The following POLR3F variants were observed in gnomAD, a reference collection of about 807,000 sequenced individuals.
The protein encoded by POLR3F is DNA-directed RNA polymerase III subunit RPC6.
In POLR3F, 31 loss-of-function variants were observed where a neutral mutation model predicts 43.6. That is an observed-to-expected ratio of 0.71 (90% CI 0.53 to 0.96). The LOEUF (loss-of-function observed/expected upper bound fraction) is 0.96. Among genes scored for constraint, POLR3F ranks in the 40% least tolerant of loss-of-function variants. POLR3F has a pLI of 0.00. For missense variants in POLR3F, 316 were observed against 391.7 expected, an observed-to-expected ratio of 0.81 and a Z score of 1.63; for synonymous variants, 114 against 132.5, an observed-to-expected ratio of 0.86 and a Z score of 0.96.
Position 18,484,187 on chromosome 20 carries a change from A to G in POLR3F, c.*629A>G. 2.5e-6 allele frequency: 1 copy of G among 398,590 alleles called. No homozygotes were observed. The highest frequency in any genetic ancestry group is 4.4e-5 in the Admixed American group (1 of 22,742). 24.7% of individuals were successfully genotyped at this position (398,590 alleles called of 1,614,324 possible). On this transcript the variant is annotated 3_prime_UTR_variant, in exon 9 of 9. Transcript: ENST00000377603. Reference sequence around the variant, plus strand: ...TACTTCAAACCCAATGACTACTGTCAAGGACATATTTTCAGTACATAAATA... The same window carrying G: ...TACTTCAAACCCAATGACTACTGTCGAGGACATATTTTCAGTACATAAATA...
chr20:18,471,934 A>C (rs2059754725), intron 2 of POLR3F, among the ~76,000 whole-genome samples: 1 of 152,224 alleles, frequency 6.6e-6, no homozygotes, highest in Non-Finnish European at 1.5e-5. Flanking sequence ...GTGAGCCGAG[A>C]TTGTGCCACG....
In POLR3F at chr20:18,475,109, T is replaced by A. The variant is rs1238969656; in HGVS notation, c.351T>A (p.Asn117Lys). ...IWSRDIRYKS[N>K]LPLTEINKIL... ...GCAGAGATATCCGCTATAAAAGTAA[T>A]TTGCCATTAACAGAAATCAACAAAA... Residue 117 changes from asparagine (N) to lysine (K), a missense_variant, in exon 5 of 9, where the codon AAT becomes AAA. By Grantham distance (94) the Asn-to-Lys change is moderately conservative. Transcript: ENST00000377603. 4 of 1,517,724 alleles carry A rather than the reference T, an allele frequency of 2.6e-6. No individual in the cohort carries two copies. The African/African-American group carries it at 5.5e-5, about 21-fold the overall frequency. 94.0% of individuals were successfully genotyped at this position (1,517,724 alleles called of 1,614,324 possible).
chr20:18,473,741 G>GC (rs1555782958), intron 4 of POLR3F, among the ~76,000 whole-genome samples: 1 of 150,384 alleles, frequency 6.6e-6, no homozygotes, highest in East Asian at 1.9e-4. Context: ...TAAAATTTAA[G>GC]TTTTTTTTTT....
chr20:18,467,466 T>C lies in POLR3F; in HGVS notation c.-41T>C. The C allele has an allele frequency of 6.2e-7, 1 of 1,612,196 alleles. No individual in the cohort carries two copies. Among genetic ancestry groups the C allele is most frequent in the Non-Finnish European group, 8.5e-7 (1 of 1,178,174 alleles). On this transcript the variant is annotated 5_prime_UTR_variant, in exon 1 of 9. Coordinates refer to ENST00000377603, the MANE Select transcript of POLR3F (RefSeq NM_006466.4). ...GTTCCCCGGCTTGCTACCGGGCTGC[T>C]CCGTGCATCTTTCCCCCCAGGCGTC... is the stretch of plus-strand genomic sequence containing the variant.
Position 18,469,023 on chromosome 20 carries a change from C to T in POLR3F, c.142C>T (p.Gln48Ter), listed in dbSNP as rs990288298. ...IQNEMPHIEA[Q>*]QRAVAINRLL... ...GAATGAAATGCCTCATATAGAAGCC[C>T]AGCAGCGGGCAGTAGCCATCAATAG... is the stretch of plus-strand genomic sequence containing the variant. The change falls in exon 2 of 9, where the codon CAG becomes TAG. Residue 48 changes from glutamine to a stop codon, truncating the protein, a stop_gained. Transcript: ENST00000377603. LOFTEE classifies it high-confidence loss of function. 4 of 1,586,318 alleles carry T rather than the reference C, an allele frequency of 2.5e-6. No homozygotes were observed. Among genetic ancestry groups the T allele is most frequent in the Non-Finnish European group, 3.5e-6 (4 of 1,154,680 alleles).
chr20:18,467,718 C>T, intron 1 of POLR3F, 150 bp downstream of exon 1: 2 of 1,460,760 alleles, frequency 1.4e-6, no homozygotes, highest in Non-Finnish European at 1.8e-6. Flanking sequence ...CCCACTTGTT[C>T]CTTCCCATCC....
chr20:18,480,220 T>C lies in POLR3F; in HGVS notation c.573+39T>C, dbSNP rs1385095406. ...GAGGAAACATCACTGCAAACCCTCT[T>C]GTAAAAAGTTTTTCACAAAGGATTT... On this transcript the variant is annotated intron_variant, in intron 6 of 8. Transcript: ENST00000377603. 2.6e-6 allele frequency: 4 copies of C among 1,554,092 alleles called. No homozygotes were observed. The African/African-American group carries it at 4.3e-5, about 17-fold the overall frequency.
chr20:18,484,373 T>C lies in POLR3F; in HGVS notation c.*815T>C, dbSNP rs2148869975. On this transcript the variant is annotated 3_prime_UTR_variant, in exon 9 of 9. Transcript: ENST00000377603. Reference sequence around the variant, plus strand: ...TTTGTGTGCCCCCAGAATTCTAATGTTGAAATCTCATTTCCAATGTGATGG... The same window carrying C: ...TTTGTGTGCCCCCAGAATTCTAATGCTGAAATCTCATTTCCAATGTGATGG... 2 of 371,084 alleles carry C rather than the reference T, an allele frequency of 5.4e-6. No individual in the cohort carries two copies. Among genetic ancestry groups the C allele is most frequent in the East Asian group, 7.6e-5 (2 of 26,336 alleles). The allele number at this position is 371,084 out of a possible 1,614,324, so 23.0% of individuals were successfully genotyped here.
At chr20:18,473,741 G>GT (rs953558199) in intron 4 of POLR3F, among the ~76,000 whole-genome samples, 216 of 150,344 alleles carry the variant, frequency 1.4e-3, no homozygotes, top group African/African-American at 4.8e-3. Flanking sequence ...TAAAATTTAA[G>GT]TTTTTTTTTT....
intron 5 of POLR3F, among the ~76,000 whole-genome samples, chr20:18,477,562 C>A (rs2059786951): frequency 1.3e-5 from 2 of 152,128 alleles, no homozygotes; most frequent in Admixed American, 1.3e-4. Context: ...CCAAGGTATC[C>A]TTCAATAGGT....
chr20:18,483,144 A>C (rs1177803255), intron 8 of POLR3F, among the ~76,000 whole-genome samples: 1 of 151,298 alleles, frequency 6.6e-6, no homozygotes, highest in Admixed American at 6.6e-5. Flanking sequence ...GGCTCACTAC[A>C]ACCTCTGCCT....
In POLR3F at chr20:18,469,081, T is replaced by A. The variant is rs2059732094; in HGVS notation, c.180+20T>A. ...TCTATGGTAAGGTGAATCTAACTAT[T>A]TTGCATAATTACTGATATGCTGATT... On this transcript the variant is annotated intron_variant, in intron 2 of 8. Coordinates refer to ENST00000377603, the MANE Select transcript of POLR3F (RefSeq NM_006466.4). The A allele has an allele frequency of 9.5e-7, 1 of 1,053,100 alleles. No individual in the cohort carries two copies. Among genetic ancestry groups the A allele is most frequent in the African/African-American group, 1.6e-5 (1 of 64,190 alleles). The allele number at this position is 1,053,100 out of a possible 1,614,324, so 65.2% of individuals were successfully genotyped here.
chr20:18,476,994 A>T (rs1330223101), intron 5 of POLR3F, among the ~76,000 whole-genome samples: 1 of 151,976 alleles, frequency 6.6e-6, no homozygotes, highest in Admixed American at 6.6e-5. Flanking sequence ...GAATTGCTTG[A>T]ACCCAGGAGG....
chr20:18,480,381 CTTA>C lies in POLR3F; in HGVS notation c.574-19_574-17del. On this transcript the variant is annotated intron_variant, in intron 6 of 8. Coordinates refer to ENST00000377603, the MANE Select transcript of POLR3F (RefSeq NM_006466.4). ...CACACCAATATTCTTATTTACATTT[CTTA>C]TGTTTCAATCCTTATAGGCAGAAAC... 6.6e-7 allele frequency: 1 copy of C among 1,506,672 alleles called. No individual in the cohort carries two copies. Among genetic ancestry groups the C allele is most frequent in the East Asian group, 2.3e-5 (1 of 44,218 alleles). 93.3% of individuals were successfully genotyped at this position (1,506,672 alleles called of 1,614,324 possible). A position where few individuals can be genotyped will look rare whatever the true frequency, so the allele number is the denominator to read the frequency against.
In POLR3F at chr20:18,469,034, A is replaced by G. The variant is rs1455077171; in HGVS notation, c.153A>G (p.Ala51=). 1 of 1,566,096 alleles carries G rather than the reference A, an allele frequency of 6.4e-7. No homozygotes were observed. Among genetic ancestry groups the G allele is most frequent in the Non-Finnish European group, 8.8e-7 (1 of 1,136,086 alleles). ...CTCATATAGAAGCCCAGCAGCGGGC[A>G]GTAGCCATCAATAGGTTGTTGTCTA... The part of the protein sequence containing the change: ...EMPHIEAQQR[A]VAINRLLSMG... Residue 51 remains alanine (A), a synonymous_variant, in exon 2 of 9, where the codon GCA becomes GCG. Transcript: ENST00000377603.
At chr20:18,473,117 T>C in intron 3 of POLR3F, 2 of 339,626 alleles carry the variant, frequency 5.9e-6, no homozygotes, top group Non-Finnish European at 1.1e-5. Flanking sequence ...TAGATGATTA[T>C]ATATTTATAT....
intron 5 of POLR3F, 43 bp from the exon 6 acceptor site, chr20:18,479,995 T>C: frequency 6.7e-7 from 1 of 1,497,466 alleles, no homozygotes; most frequent in Non-Finnish European, 9.0e-7. Flanking sequence ...TTTTTGGAAA[T>C]TGTTATCTTA....
chr20:18,481,983 C>CCT (rs2059812787), intron 8 of POLR3F, among the ~76,000 whole-genome samples, 173 bp downstream of exon 8: 1 of 74,328 alleles, frequency 1.3e-5, no homozygotes, highest in East Asian at 3.8e-4. Flanking sequence ...CATTCCTTTA[C>CCT]TTTTTTTTTT....
At position 18,468,964 on chromosome 20, in the gene POLR3F, A is replaced by G. The variant is rs765387639; in HGVS notation, c.83A>G (p.Gln28Arg). Reference protein sequence around the residue: ...IENRIIELCHQFPHGITDQVI... With the variant: ...IENRIIELCHRFPHGITDQVI... ...TCTAGGATTATAGAATTATGTCACC[A>G]GTTCCCTCATGGAATCACAGACCAA... The change falls in exon 2 of 9, where the codon CAG (glutamine) becomes CGG (arginine). Residue 28 changes from glutamine (Q) to arginine (R), a missense_variant. Gln to Arg is a conservative substitution (Grantham distance 43, BLOSUM62 1). Coordinates refer to ENST00000377603, the MANE Select transcript of POLR3F (RefSeq NM_006466.4). 5 of 1,538,528 alleles carry G rather than the reference A, an allele frequency of 3.2e-6. No individual in the cohort carries two copies. The highest frequency in any genetic ancestry group is 4.5e-6 in the Non-Finnish European group (5 of 1,110,960).
Sources: allele counts gnomAD v4.1 joint callset (sites outside exome capture counted in the v4.1 genomes callset), GRCh38; gene constraint gnomAD v4.1.1; transcripts MANE v1.5; gene names NCBI Gene and HGNC (gene_info 2026-07-23, HGNC 2026-07-21).